Variants in HPSE2 observed in about 807,000 individuals in gnomAD.
HPSE2 encodes heparanase 2 (inactive).
In HPSE2, 38 loss-of-function variants were observed where a neutral mutation model predicts 60.5. The observed-to-expected ratio is 0.63, with a 90% confidence interval of 0.48 to 0.82. The LOEUF is 0.82. HPSE2 is among the 40% of genes least tolerant of loss of function. The pLI is 0.00. For missense variants in HPSE2, 713 were observed against 740.4 expected, an observed-to-expected ratio of 0.96 and a Z score of 0.43; for synonymous variants, 295 against 293.2, an observed-to-expected ratio of 1.01 and a Z score of -0.06.
chr10:98,750,964 T>G (rs1201197273), intron 3 of HPSE2, among the ~76,000 whole-genome samples: 1 of 152,154 alleles, frequency 6.6e-6, no homozygotes. Context: ...ACAGGAGCTG[T>G]CATAGGGATC....
chr10:98,983,239 C>T (rs1000102301), intron 3 of HPSE2, among the ~76,000 whole-genome samples: 5 of 152,116 alleles, frequency 3.3e-5, no homozygotes, highest in Admixed American at 2.0e-4. Flanking sequence ...ATACAACTCA[C>T]CATAATGTAG....
chr10:98,839,430 TTCA>T, intron 3 of HPSE2, among the ~76,000 whole-genome samples: 1 of 152,294 alleles, frequency 6.6e-6, no homozygotes, highest in Admixed American at 6.5e-5. Flanking sequence ...ATGAATTAAA[TTCA>T]TCATTCATTC....
intron 3 of HPSE2, among the ~76,000 whole-genome samples, chr10:98,984,279 TC>T (rs1449988514): frequency 6.6e-6 from 1 of 152,022 alleles, no homozygotes; most frequent in Non-Finnish European, 1.5e-5. Flanking sequence ...GGCCAGGTAC[TC>T]CTCTGAGACA....
intron 2 of HPSE2, among the ~76,000 whole-genome samples, chr10:99,206,778 G>T (rs539477170): frequency 6.6e-6 from 1 of 151,796 alleles, no homozygotes; most frequent in Admixed American, 6.6e-5. Context: ...ACTGAAAAAT[G>T]CAATAGAGAG....
At chr10:99,265,909 G>GGAGCA in the HPSE2 span, among the ~76,000 whole-genome samples, 1 of 152,168 alleles carries the variant, frequency 6.6e-6, no homozygotes, top group African/African-American at 2.4e-5. Flanking sequence ...GACCTTACCT[G>GGAGCA]GAGCAGAGAC....
At chr10:98,906,048 A>G (rs1201960586) in intron 3 of HPSE2, among the ~76,000 whole-genome samples, 2 of 152,152 alleles carry the variant, frequency 1.3e-5, no homozygotes, top group Admixed American at 1.3e-4. Context: ...TGCTGCCTGC[A>G]TCCAATGATT....
chr10:99,085,783 T>C (rs1843295261), intron 3 of HPSE2, among the ~76,000 whole-genome samples: 1 of 152,234 alleles, frequency 6.6e-6, no homozygotes, highest in Non-Finnish European at 1.5e-5. Context: ...TTCCTCAGTT[T>C]AGCATTCAAA....
chr10:99,166,873 T>C (rs556647790), intron 2 of HPSE2, among the ~76,000 whole-genome samples: 1 of 151,952 alleles, frequency 6.6e-6, no homozygotes, highest in Non-Finnish European at 1.5e-5. Context: ...AAATCACTCC[T>C]AGTCTGTGGC....
intron 3 of HPSE2, among the ~76,000 whole-genome samples, chr10:98,835,026 C>CA (rs1197724167): frequency 2.6e-5 from 4 of 152,036 alleles, no homozygotes; most frequent in African/African-American, 4.8e-5. Flanking sequence ...TATTGGTAAG[C>CA]ATGACCCACA....
chr10:99,313,592 ATTTTTTTTT>A, the HPSE2 span, among the ~76,000 whole-genome samples: 1 of 84,622 alleles, frequency 1.2e-5, no homozygotes, highest in Non-Finnish European at 2.0e-5. Flanking sequence ...ACTGACTCCA[ATTTTTTTTT>A]TTTTTTTTTT....
intron 4 of HPSE2, 137 bp downstream of exon 4, chr10:98,743,746 A>G (rs1390860714): frequency 2.6e-6 from 2 of 763,892 alleles, no homozygotes; most frequent in Non-Finnish European, 4.6e-6. Context: ...CCATTTGGAT[A>G]GTCAACTCAG....
chr10:98,561,541 T>C (rs1169530898), intron 9 of HPSE2, among the ~76,000 whole-genome samples: 1 of 152,142 alleles, frequency 6.6e-6, no homozygotes, highest in African/African-American at 2.4e-5. Flanking sequence ...TAAGGCTAAT[T>C]TATTATTAAA....
At position 98,696,595 on chromosome 10, in the gene HPSE2, A is replaced by AG. The variant is rs527340631; in HGVS notation, c.957-2649dup. ...TTTATAAGCCCACACCACTGGGGCGAGGGTCCCAACCATGGAATGCGTAGA... is the reference window on the plus strand; with the variant it reads ...TTTATAAGCCCACACCACTGGGGCGAGGGGTCCCAACCATGGAATGCGTAGA... On this transcript the variant is annotated intron_variant, in intron 5 of 11. Coordinates refer to ENST00000370552, the MANE Select transcript of HPSE2 (RefSeq NM_021828.5). Among the ~76,000 whole-genome samples, 53 of 36,266 alleles carry AG rather than the reference A, an allele frequency of 1.5e-3. No individual in the cohort carries two copies. In the East Asian group the frequency reaches 0.053, roughly 36 times the overall value. 23.8% of individuals were successfully genotyped at this position (36,266 alleles called of 152,430 possible).
At chr10:98,763,824 C>G (rs1950060841) in intron 3 of HPSE2, among the ~76,000 whole-genome samples, 1 of 149,538 alleles carries the variant, frequency 6.7e-6, no homozygotes, top group Non-Finnish European at 1.5e-5. Context: ...GAAACTTGCT[C>G]TAAAAGAAAT....
intron 9 of HPSE2, among the ~76,000 whole-genome samples, chr10:98,597,447 C>T (rs1437219674): frequency 6.6e-6 from 1 of 151,486 alleles, no homozygotes; most frequent in Non-Finnish European, 1.5e-5. Flanking sequence ...GGTGGATTGC[C>T]TGAGCTCAGG....
intron 9 of HPSE2, among the ~76,000 whole-genome samples, chr10:98,524,406 C>T (rs1477016748): frequency 2.6e-5 from 4 of 152,132 alleles, no homozygotes; most frequent in Non-Finnish European, 4.4e-5. Flanking sequence ...AGTGGTGGGG[C>T]TGACTGTCCG....
intron 9 of HPSE2, among the ~76,000 whole-genome samples, chr10:98,520,290 T>C (rs1316704410): frequency 1.3e-5 from 2 of 152,302 alleles, no homozygotes; most frequent in East Asian, 3.9e-4. Flanking sequence ...TAGGGTCTTT[T>C]CTGAGGAAAA....
At chr10:98,677,272 T>A (rs778780229) in intron 6 of HPSE2, among the ~76,000 whole-genome samples, 1 of 152,234 alleles carries the variant, frequency 6.6e-6, no homozygotes, top group Non-Finnish European at 1.5e-5. Flanking sequence ...ATCTTTTGAA[T>A]GAATTAATAA....
rs1940176157 is a variant in HPSE2, at chr10:98,459,323, C to G, written c.*251G>C. The G allele has an allele frequency of 5.5e-6, 3 of 543,542 alleles. No individual in the cohort carries two copies. Among genetic ancestry groups the G allele is most frequent in the Admixed American group, 2.9e-5 (1 of 34,204 alleles). 33.7% of individuals were successfully genotyped at this position (543,542 alleles called of 1,614,324 possible). ...TGCACATGAAGGGAAACATTCTGCT[C>G]TATACACATGCCTTTATCCTTATAT... On this transcript the variant is annotated 3_prime_UTR_variant, in exon 12 of 12. Transcript: ENST00000370552.
Sources: allele counts gnomAD v4.1 joint callset (sites outside exome capture counted in the v4.1 genomes callset), GRCh38; gene constraint gnomAD v4.1.1; transcripts MANE v1.5; gene names NCBI Gene and HGNC (gene_info 2026-07-23, HGNC 2026-07-21).